The following ARHGEF17 variants were observed in gnomAD, a reference collection of about 807,000 sequenced individuals.
The protein encoded by ARHGEF17 is Rho guanine nucleotide exchange factor 17, also known as 164 kDa Rho-specific guanine-nucleotide exchange factor.
A neutral mutation model predicts 174.0 loss-of-function variants in ARHGEF17; 80 were observed. The ratio of observed to expected loss-of-function variants is 0.46; its 90% CI spans 0.38 to 0.55. The LOEUF (loss-of-function observed/expected upper bound fraction) is 0.55, where lower values mean the gene tolerates loss of function less well. Among genes scored for constraint, ARHGEF17 ranks in the 20% least tolerant of loss-of-function variants. The pLI, the probability that ARHGEF17 is intolerant of heterozygous loss-of-function variation, is 0.00. For synonymous variants in ARHGEF17, 1,311 were observed against 1,189.1 expected (o/e 1.10, Z -2.11); for missense variants, 2,886 against 2,839.7 (o/e 1.02, Z -0.37).
Position 73,309,209 on chromosome 11 carries a change from C to T in ARHGEF17, c.571C>T (p.Pro191Ser). Residue 191 changes from proline to serine, a missense_variant, in exon 1 of 21, where the codon CCG (proline) becomes TCG (serine). Pro to Ser is a moderately conservative substitution (Grantham distance 74). This residue lies in a region of ARHGEF17 where 1,728 missense variants were observed against 1,461.2 expected (regional missense o/e 1.18). Coordinates refer to ENST00000263674, the MANE Select transcript of ARHGEF17 (RefSeq NM_014786.4). ...GLRSARPLTG[P>S]ETEGRLRRPQ... is the part of the protein sequence containing the mutation. The stretch of plus-strand genomic sequence containing the variant: ...GCGTTCGGCGCGGCCCCTGACCGGG[C>T]CGGAGACCGAAGGGAGGCTGCGCCG... 1.9e-6 allele frequency: 3 copies of T among 1,596,410 alleles called. No homozygotes were observed. The South Asian group carries it at 3.3e-5, about 18-fold the overall frequency.
At chr11:73,327,976 TGG>T (rs1341725860) in intron 1 of ARHGEF17, among the ~76,000 whole-genome samples, 2 of 152,010 alleles carry the variant, frequency 1.3e-5, no homozygotes, top group Non-Finnish European at 2.9e-5. Context: ...ACCTGTAAAA[TGG>T]GGATGATGAT....
chr11:73,354,438 G>A (rs369426649), intron 3 of ARHGEF17, among the ~76,000 whole-genome samples: 145 of 152,282 alleles, frequency 9.5e-4, no homozygotes, highest in African/African-American at 3.4e-3. Flanking sequence ...GACTCTGGCC[G>A]GGCGCAGTGG....
chr11:73,352,695 T>G, intron 2 of ARHGEF17, 135 bp from the exon 3 acceptor site: 19 of 866,772 alleles, frequency 2.2e-5, no homozygotes, highest in Non-Finnish European at 3.1e-5. Flanking sequence ...CTTGGTCTCA[T>G]GAGGGAGATG....
At chr11:73,323,965 C>G (rs1002093507) in intron 1 of ARHGEF17, among the ~76,000 whole-genome samples, 5 of 152,204 alleles carry the variant, frequency 3.3e-5, no homozygotes, top group African/African-American at 1.2e-4. Flanking sequence ...CTGTCCTTCT[C>G]CCTGTTCTCC....
chr11:73,332,447 C>G (rs1256265462), intron 1 of ARHGEF17, among the ~76,000 whole-genome samples: 3 of 146,360 alleles, frequency 2.0e-5, no homozygotes, highest in Non-Finnish European at 3.0e-5. Context: ...ATGTATGCTT[C>G]TTGCTTCTTT....
At chr11:73,325,649 G>C (rs1865090359) in intron 1 of ARHGEF17, among the ~76,000 whole-genome samples, 1 of 152,262 alleles carries the variant, frequency 6.6e-6, no homozygotes, top group South Asian at 2.1e-4. Context: ...GACCGAGCCT[G>C]AGACCTTCCC....
At chr11:73,312,362 A>G (rs1337285259) in intron 1 of ARHGEF17, among the ~76,000 whole-genome samples, 2 of 152,180 alleles carry the variant, frequency 1.3e-5, no homozygotes, top group East Asian at 1.9e-4. Context: ...GGGGAGGTAC[A>G]AGGCTTTACT....
chr11:73,363,763 TCCTCCGA>T lies in ARHGEF17; in HGVS notation c.5265_5271del (p.Ser1756AlafsTer9). ...GATCCACAGTGTCCACGTGTACCAG[TCCTCCGA>T]CAGCATCCGTGACCGCAGGAACAGC... On this transcript the variant is annotated frameshift_variant, in exon 16 of 21. Coordinates refer to ENST00000263674, the MANE Select transcript of ARHGEF17 (RefSeq NM_014786.4). LOFTEE classifies it high-confidence loss of function. 6.2e-7 allele frequency: 1 copy of T among 1,613,968 alleles called. No homozygotes were observed. Among genetic ancestry groups the T allele is most frequent in the Non-Finnish European group, 8.5e-7 (1 of 1,179,994 alleles).
chr11:73,357,364 T>G, intron 9 of ARHGEF17, 37 bp downstream of exon 9: 3 of 1,583,098 alleles, frequency 1.9e-6, no homozygotes, highest in Non-Finnish European at 2.6e-6. Flanking sequence ...TGTTGGGGTC[T>G]TCCTCTGAGA....
At chr11:73,362,408 T>C (rs778287324) in intron 13 of ARHGEF17, 25 bp from the exon 14 acceptor site, 29 of 1,520,480 alleles carry the variant, frequency 1.9e-5, no homozygotes, top group Non-Finnish European at 2.4e-5. Flanking sequence ...GTAGCTGCTG[T>C]CATCCTCACT....
In ARHGEF17 at chr11:73,362,551, C is replaced by A; in HGVS notation, c.4813C>A (p.Gln1605Lys). ...CGCGACGCTCGCGGAGCCGGGGCCGCAGCCCTGCCTTCACATCTCCATTGC... is the reference window on the plus strand; with the variant it reads ...CGCGACGCTCGCGGAGCCGGGGCCGAAGCCCTGCCTTCACATCTCCATTGC... ...EAATLAEPGP[Q>K]PCLHISIAGS... Residue 1605 changes from glutamine (Q) to lysine (K), a missense_variant, in exon 14 of 21, where the codon CAG (glutamine) becomes AAG (lysine). Gln to Lys is a moderately conservative substitution (Grantham distance 53, BLOSUM62 1). Transcript: ENST00000263674. 1 of 1,608,300 alleles carries A rather than the reference C, an allele frequency of 6.2e-7. No individual in the cohort carries two copies. The highest frequency in any genetic ancestry group is 8.5e-7 in the Non-Finnish European group (1 of 1,179,316).
At chr11:73,332,446 T>G (rs1423698038) in intron 1 of ARHGEF17, among the ~76,000 whole-genome samples, 1 of 151,734 alleles carries the variant, frequency 6.6e-6, no homozygotes, top group Admixed American at 6.6e-5. Context: ...AATGTATGCT[T>G]CTTGCTTCTT....
chr11:73,328,243 C>T (rs72970019), intron 1 of ARHGEF17, among the ~76,000 whole-genome samples: 19,503 of 152,124 alleles, frequency 0.13, 1,556 homozygotes, highest in East Asian at 0.21. Flanking sequence ...GAGTTCCCCA[C>T]GGGCAGCTGT....
intron 14 of ARHGEF17, 62 bp downstream of exon 14, chr11:73,362,796 G>C: frequency 1.3e-6 from 2 of 1,547,344 alleles, no homozygotes; most frequent in Non-Finnish European, 1.7e-6. Flanking sequence ...CCCAGAGGAG[G>C]GGGAGAGGAG....
At chr11:73,355,803 C>G in intron 4 of ARHGEF17, 58 bp from the exon 5 acceptor site, 1 of 1,607,266 alleles carries the variant, frequency 6.2e-7, no homozygotes, top group Non-Finnish European at 8.5e-7. Context: ...GGACCTGTCC[C>G]TGGACATAGT....
At chr11:73,352,766 C>T in intron 2 of ARHGEF17, 64 bp from the exon 3 acceptor site, 2 of 1,583,320 alleles carry the variant, frequency 1.3e-6, no homozygotes, top group South Asian at 1.1e-5. Context: ...CACAGGGGCC[C>T]TGTGTAGGTG....
chr11:73,362,067 AGCT>A lies in ARHGEF17; in HGVS notation c.4525_4527del (p.Cys1509del), dbSNP rs773696856. The A allele has an allele frequency of 1.2e-6, 2 of 1,612,776 alleles. No homozygotes were observed. The highest frequency in any genetic ancestry group is 1.7e-6 in the Non-Finnish European group (2 of 1,179,872). On this transcript the variant is annotated inframe_deletion, in exon 13 of 21. Transcript: ENST00000263674. The stretch of plus-strand genomic sequence containing the variant: ...CTCCTGTGCGGCTCCCACCCTGAAC[AGCT>A]GCCCGGAGCCCTCGCCTGAGGTATG...
At chr11:73,364,143 C>T in intron 16 of ARHGEF17, 29 bp from the exon 17 acceptor site, 1 of 1,613,274 alleles carries the variant, frequency 6.2e-7, no homozygotes, top group Non-Finnish European at 8.5e-7. Flanking sequence ...GCCTGAACTC[C>T]CTTACTGCTT....
Position 73,311,628 on chromosome 11 carries a change from C to T in ARHGEF17, c.2990C>T (p.Thr997Met), listed in dbSNP as rs760846726. The change falls in exon 1 of 21, where the codon ACG becomes ATG. Residue 997 changes from threonine (T) to methionine (M), a missense_variant. By Grantham distance (81) the Thr-to-Met change is moderately conservative. This residue lies in a region of ARHGEF17 where 1,728 missense variants were observed against 1,461.2 expected (regional missense o/e 1.18). Coordinates refer to ENST00000263674, the MANE Select transcript of ARHGEF17 (RefSeq NM_014786.4). ...PIGFPTRAHP[T>M]LQAPSLEDVT... ...GGCTTCCCTACCCGAGCCCATCCCA[C>T]GTTGCAGGCACCATCGCTCGAGGAC... 1.1e-5 allele frequency: 18 copies of T among 1,613,186 alleles called. No individual in the cohort carries two copies. The highest frequency in any genetic ancestry group is 1.2e-5 in the Non-Finnish European group (14 of 1,179,880).
Sources: allele counts gnomAD v4.1 joint callset (sites outside exome capture counted in the v4.1 genomes callset), GRCh38; gene constraint gnomAD v4.1.1; regional missense constraint gnomAD v4.1.1; transcripts MANE v1.5; gene names NCBI Gene and HGNC (gene_info 2026-07-23, HGNC 2026-07-21).